CSTPP1: variants seen among roughly 807,000 people sequenced by gnomAD.
The protein encoded by CSTPP1 is centriolar satellite-associated tubulin polyglutamylase complex regulator 1.
the CSTPP1 span, among the ~76,000 whole-genome samples, chr11:47,084,525 T>G: frequency 6.6e-6 from 1 of 152,182 alleles, no homozygotes; most frequent in Non-Finnish European, 1.5e-5. Flanking sequence ...TTAACTTTTA[T>G]GTTTAGGCCT....
At chr11:47,004,184 T>G in the CSTPP1 span, among the ~76,000 whole-genome samples, 2 of 151,554 alleles carry the variant, frequency 1.3e-5, no homozygotes, top group Admixed American at 1.3e-4. Context: ...TTTTTTGTTT[T>G]TGTTTTTTTT....
the CSTPP1 span, among the ~76,000 whole-genome samples, chr11:46,947,723 C>G: frequency 3.1e-4 from 47 of 152,270 alleles, 1 homozygote; most frequent in Middle Eastern, 6.8e-3. Context: ...CTCGTTAATA[C>G]TATTATCTAG....
the CSTPP1 span, among the ~76,000 whole-genome samples, chr11:47,089,266 T>G: frequency 6.6e-6 from 1 of 152,288 alleles, no homozygotes; most frequent in Admixed American, 6.5e-5. Context: ...GAAGCAATAA[T>G]TAATGTGGCT....
the CSTPP1 span, among the ~76,000 whole-genome samples, chr11:47,038,450 G>T: frequency 9.4e-6 from 1 of 105,918 alleles, no homozygotes; most frequent in African/African-American, 2.8e-5. Flanking sequence ...TGGCCGGGCG[G>T]GGGGCTGACC....
chr11:46,955,318 GTTTGATCCATCCAAAATACA>G, the CSTPP1 span, among the ~76,000 whole-genome samples: 1 of 149,728 alleles, frequency 6.7e-6, no homozygotes, highest in African/African-American at 2.5e-5. Context: ...AAGTAAGTAG[GTTTGATCCATCCAAAATACA>G]GTAGTGTGGT....
chr11:47,100,616 C>T, the CSTPP1 span, among the ~76,000 whole-genome samples: 1 of 152,116 alleles, frequency 6.6e-6, no homozygotes, highest in Non-Finnish European at 1.5e-5. Flanking sequence ...CGTGGCAAAA[C>T]CCTATTTCTA....
At chr11:47,025,889 A>G in the CSTPP1 span, among the ~76,000 whole-genome samples, 2 of 152,224 alleles carry the variant, frequency 1.3e-5, no homozygotes, top group Non-Finnish European at 2.9e-5. Context: ...TGAGTTTAAA[A>G]AGTTATAAAA....
At chr11:47,127,046 T>C in the CSTPP1 span, among the ~76,000 whole-genome samples, 1 of 152,100 alleles carries the variant, frequency 6.6e-6, no homozygotes, top group Non-Finnish European at 1.5e-5. Context: ...TTTTCATCCA[T>C]AGACGAAGGA....
the CSTPP1 span, among the ~76,000 whole-genome samples, chr11:46,960,447 T>G: frequency 2.6e-5 from 4 of 152,212 alleles, no homozygotes; most frequent in Non-Finnish European, 5.9e-5. Context: ...TGGCAACCAC[T>G]AATCTAATTT....
the CSTPP1 span, chr11:47,164,090 C>G: frequency 1.9e-6 from 3 of 1,604,054 alleles, no homozygotes; most frequent in Non-Finnish European, 2.6e-6. Flanking sequence ...CTGCGTGCCA[C>G]AGGGTGGTGA....
the CSTPP1 span, among the ~76,000 whole-genome samples, chr11:47,061,882 T>C: frequency 1.3e-5 from 2 of 152,214 alleles, no homozygotes; most frequent in Non-Finnish European, 2.9e-5. Flanking sequence ...TTCACCTCTG[T>C]ACCTCCAATA....
chr11:46,983,049 A>G, the CSTPP1 span, among the ~76,000 whole-genome samples: 487 of 152,336 alleles, frequency 3.2e-3, 2 homozygotes, highest in African/African-American at 0.011. Context: ...TAACCATTGC[A>G]GTAAAAATTG....
At chr11:47,126,235 A>G in the CSTPP1 span, among the ~76,000 whole-genome samples, 2 of 152,142 alleles carry the variant, frequency 1.3e-5, no homozygotes, top group Admixed American at 1.3e-4. Context: ...AGCAAGTTAC[A>G]AGCCAGACAG....
At chr11:47,086,275 A>G in the CSTPP1 span, among the ~76,000 whole-genome samples, 1 of 148,116 alleles carries the variant, frequency 6.8e-6, no homozygotes, top group Non-Finnish European at 1.5e-5. Flanking sequence ...CTGTGGTAGT[A>G]CATACCTGTA....
the CSTPP1 span, among the ~76,000 whole-genome samples, chr11:46,958,451 G>T: frequency 6.6e-6 from 1 of 151,732 alleles, no homozygotes; most frequent in Non-Finnish European, 1.5e-5. Flanking sequence ...TGTTTTGGGG[G>T]AGTCCAAAGT....
At chr11:47,026,877 C>A in the CSTPP1 span, among the ~76,000 whole-genome samples, 1 of 151,824 alleles carries the variant, frequency 6.6e-6, no homozygotes. Context: ...GACCCTGTCT[C>A]AAAAAAACAA....
At chr11:47,162,308 G>A in the CSTPP1 span, 1 of 962,108 alleles carries the variant, frequency 1.0e-6, no homozygotes, top group Non-Finnish European at 1.2e-6. Context: ...TGGGTTTTCG[G>A]TGCTTTTCTG....
the CSTPP1 span, among the ~76,000 whole-genome samples, chr11:47,077,532 A>G: frequency 9.9e-5 from 15 of 152,178 alleles, no homozygotes; most frequent in African/African-American, 3.4e-4. Flanking sequence ...GCAGGGTTTC[A>G]TAAACTTTAA....
At chr11:47,153,262 G>A in the CSTPP1 span, among the ~76,000 whole-genome samples, 2 of 152,186 alleles carry the variant, frequency 1.3e-5, no homozygotes, top group African/African-American at 4.8e-5. Flanking sequence ...TACTGACAGA[G>A]GGACCAGGGC....
Sources: allele counts gnomAD v4.1 joint callset (sites outside exome capture counted in the v4.1 genomes callset), GRCh38; gene constraint gnomAD v4.1.1; transcripts MANE v1.5; gene names NCBI Gene and HGNC (gene_info 2026-07-23, HGNC 2026-07-21).